Variants in SEMA3A observed in about 807,000 individuals in gnomAD.
The protein encoded by SEMA3A is semaphorin-3A.
Under a neutral mutation model 97.9 loss-of-function variants are expected in SEMA3A, and 29 were observed. The observed-to-expected ratio is 0.30, with a 90% CI of 0.22 to 0.40. The LOEUF (loss-of-function observed/expected upper bound fraction) is 0.40, where lower values mean the gene tolerates loss of function less well. Among genes scored for constraint, SEMA3A ranks in the 10% least tolerant of loss-of-function variants. The pLI is 1.00. For missense variants in SEMA3A, 763 were observed against 951.3 expected, an observed-to-expected ratio of 0.80 and a Z score of 2.60; for synonymous variants, 321 against 323.7, an observed-to-expected ratio of 0.99 and a Z score of 0.09.
intron 9 of SEMA3A, among the ~76,000 whole-genome samples, chr7:84,010,813 C>T (rs893060312): frequency 3.3e-5 from 5 of 152,254 alleles, no homozygotes; most frequent in Admixed American, 3.3e-4. Context: ...TACATATTCA[C>T]ATCATTACAA....
At chr7:84,282,549 T>C (rs1800465761) in intron 3 of SEMA3A, among the ~76,000 whole-genome samples, 1 of 152,166 alleles carries the variant, frequency 6.6e-6, no homozygotes, top group Non-Finnish European at 1.5e-5. Context: ...GTGAAGTTTG[T>C]AAGCTTCTCT....
At chr7:84,215,829 T>G (rs577739758) in intron 3 of SEMA3A, among the ~76,000 whole-genome samples, 1 of 152,270 alleles carries the variant, frequency 6.6e-6, no homozygotes, top group South Asian at 2.1e-4. Context: ...GAAACAAATA[T>G]TATTTTTCTA....
intron 3 of SEMA3A, among the ~76,000 whole-genome samples, chr7:84,113,580 C>T (rs917737611): frequency 6.6e-6 from 1 of 152,150 alleles, no homozygotes; most frequent in African/African-American, 2.4e-5. Flanking sequence ...TACTGCACTG[C>T]TTTGCTCAGC....
intron 3 of SEMA3A, among the ~76,000 whole-genome samples, chr7:84,283,509 C>A (rs973875269): frequency 8.6e-5 from 13 of 151,434 alleles, no homozygotes; most frequent in African/African-American, 1.5e-4. Context: ...ATAAAGAGGA[C>A]CAAAAAGTAG....
At chr7:84,268,893 T>C (rs943808550) in intron 3 of SEMA3A, among the ~76,000 whole-genome samples, 3 of 152,288 alleles carry the variant, frequency 2.0e-5, no homozygotes, top group Middle Eastern at 3.4e-3. Flanking sequence ...GGAAAATGAA[T>C]GGTTTTAATT....
intron 6 of SEMA3A, among the ~76,000 whole-genome samples, chr7:84,018,927 AAAC>A (rs1408321830): frequency 3.9e-5 from 6 of 152,148 alleles, no homozygotes; most frequent in Admixed American, 3.9e-4. Context: ...AACAAAAACA[AAAC>A]AAAAAACAAC....
At chr7:84,302,694 G>C (rs1801048506) in intron 3 of SEMA3A, among the ~76,000 whole-genome samples, 2 of 152,064 alleles carry the variant, frequency 1.3e-5, no homozygotes, top group South Asian at 4.1e-4. Context: ...CAATGATAAT[G>C]AATAATGGAA....
chr7:84,375,418 G>A (rs1803074659), intron 1 of SEMA3A, among the ~76,000 whole-genome samples: 1 of 152,152 alleles, frequency 6.6e-6, no homozygotes, highest in Non-Finnish European at 1.5e-5. Flanking sequence ...ATAACCCTAT[G>A]TGATGACTGC....
upstream of SEMA3A, chr7:84,195,024 A>AGAAAGAGAGAGAGAG (rs1798179833): frequency 7.1e-6 from 1 of 140,566 alleles, no homozygotes; most frequent in African/African-American, 2.7e-5. Flanking sequence ...GAGAGAGAGA[A>AGAAAGAGAGAGAGAG]AGAGAGAGAG....
chr7:84,471,924 AG>A (rs1806162990), intron 1 of SEMA3A, among the ~76,000 whole-genome samples: 1 of 150,610 alleles, frequency 6.6e-6, no homozygotes, highest in African/African-American at 2.4e-5. Context: ...TCTGACTTTC[AG>A]GTTTTTTTTT....
chr7:84,460,700 C>T (rs914525036), intron 1 of SEMA3A, among the ~76,000 whole-genome samples: 2 of 152,130 alleles, frequency 1.3e-5, no homozygotes, highest in African/African-American at 2.4e-5. Context: ...TACATTTTAA[C>T]CAAAACTTTA....
At chr7:84,099,065 C>CTTTTTTTTTTTTTT (rs754026184) in intron 4 of SEMA3A, among the ~76,000 whole-genome samples, 2 of 92,556 alleles carry the variant, frequency 2.2e-5, no homozygotes, top group African/African-American at 3.7e-5. Flanking sequence ...ATTACATTTT[C>CTTTTTTTTTTTTTT]TTTTTTTTTC....
At chr7:84,227,533 T>G (rs749915894) in intron 3 of SEMA3A, among the ~76,000 whole-genome samples, 4 of 152,118 alleles carry the variant, frequency 2.6e-5, no homozygotes, top group Non-Finnish European at 4.4e-5. Flanking sequence ...TGAACTCTGG[T>G]AAATCAAAGC....
intron 1 of SEMA3A, among the ~76,000 whole-genome samples, chr7:84,405,233 G>T (rs528518831): frequency 6.6e-6 from 1 of 152,174 alleles, no homozygotes; most frequent in East Asian, 1.9e-4. Context: ...AAAAAAGGCA[G>T]GGTTTACAAT....
chr7:84,227,870 T>C (rs1799024968), intron 3 of SEMA3A, among the ~76,000 whole-genome samples: 1 of 151,436 alleles, frequency 6.6e-6, no homozygotes, highest in Non-Finnish European at 1.5e-5. Context: ...AGCTGGTAGA[T>C]GATGTAAATG....
intron 3 of SEMA3A, among the ~76,000 whole-genome samples, chr7:84,250,664 T>C (rs1320079682): frequency 6.6e-6 from 1 of 152,206 alleles, no homozygotes; most frequent in Non-Finnish European, 1.5e-5. Context: ...CAAGCCAATG[T>C]AATTTTTTTT....
intron 1 of SEMA3A, among the ~76,000 whole-genome samples, chr7:84,416,233 G>T (rs1398747620): frequency 6.6e-6 from 1 of 152,090 alleles, no homozygotes; most frequent in Non-Finnish European, 1.5e-5. Context: ...CTATTCTCGT[G>T]ATAATGAATA....
intron 3 of SEMA3A, among the ~76,000 whole-genome samples, chr7:84,211,328 C>T (rs1798619336): frequency 6.6e-6 from 1 of 151,866 alleles, no homozygotes; most frequent in Non-Finnish European, 1.5e-5. Flanking sequence ...AAACATTTCT[C>T]AGCCGGGTGT....
In SEMA3A at chr7:84,133,867, G is replaced by A. The variant is rs914666021; in HGVS notation, c.270+927C>T. On this transcript the variant is annotated intron_variant, in intron 2 of 16. Transcript: ENST00000265362. ...AGATCGAGACCATCCTGGCTAACAC[G>A]GTGAAACCTCGTCTCTACTAAAAAA... 2.1e-5 allele frequency among the ~76,000 whole-genome samples: 3 copies of A among 141,256 alleles called. No individual in the cohort carries two copies. In the Admixed American group the frequency reaches 2.2e-4, roughly 10 times the overall value. 92.7% of individuals were successfully genotyped at this position (141,256 alleles called of 152,430 possible).
Sources: gnomAD v4.1 joint callset for allele counts (sites outside exome capture counted in the v4.1 genomes callset) on GRCh38, gnomAD v4.1.1 for gene constraint, MANE v1.5 for transcripts, NCBI Gene and HGNC (gene_info 2026-07-23, HGNC 2026-07-21) for gene names.